The following RIPK1 variants were observed in gnomAD, a reference collection of about 807,000 sequenced individuals.
RIPK1 encodes receptor-interacting serine/threonine-protein kinase 1.
Under a neutral mutation model 62.4 loss-of-function variants are expected in RIPK1, and 27 were observed. The observed-to-expected ratio is 0.43, with a 90% CI of 0.32 to 0.60. The LOEUF (loss-of-function observed/expected upper bound fraction) is 0.60. Ranked by LOEUF, RIPK1 falls within the 20% of genes least tolerant of loss-of-function variation. The probability of loss-of-function intolerance (pLI) is 0.07; values close to 1 mark genes in which losing one functional copy is unlikely to be tolerated. For synonymous variants in RIPK1, 287 were observed against 303.2 expected (o/e 0.95, Z 0.55); for missense variants, 735 against 831.0 (o/e 0.88, Z 1.42).
At chr6:3,067,785 C>A (rs1311658642), upstream of RIPK1, among the ~76,000 whole-genome samples, 1 of 151,702 alleles carries the variant, frequency 6.6e-6, no homozygotes, top group African/African-American at 2.4e-5. Context: ...TCTTGTCACC[C>A]AGGCTGGAGT....
At chr6:3,111,770 AC>A (rs1296557857) in intron 10 of RIPK1, among the ~76,000 whole-genome samples, 1 of 152,238 alleles carries the variant, frequency 6.6e-6, no homozygotes, top group East Asian at 1.9e-4. Context: ...CTAGAACAGA[AC>A]TTGCGAATGG....
chr6:3,103,234 TC>T (rs1561771572), intron 7 of RIPK1, among the ~76,000 whole-genome samples: 1 of 151,966 alleles, frequency 6.6e-6, no homozygotes, highest in Non-Finnish European at 1.5e-5. Flanking sequence ...TTTTTTATGT[TC>T]TGGATTTCAT....
At chr6:3,083,934 G>A (rs565729155) in intron 5 of RIPK1, among the ~76,000 whole-genome samples, 2 of 152,126 alleles carry the variant, frequency 1.3e-5, no homozygotes, top group Admixed American at 6.5e-5. Flanking sequence ...CCTGCAGCTC[G>A]CCCCGCTTCA....
chr6:3,071,310 T>C (rs906448933), intron 1 of RIPK1, among the ~76,000 whole-genome samples: 1 of 152,244 alleles, frequency 6.6e-6, no homozygotes, highest in African/African-American at 2.4e-5. Flanking sequence ...TTGATATGTA[T>C]ACTTACCCTG....
At chr6:3,067,052 T>TTTC (rs1491398192), upstream of RIPK1, among the ~76,000 whole-genome samples, 1 of 26,160 alleles carries the variant, frequency 3.8e-5, no homozygotes, top group African/African-American at 2.8e-4. Context: ...TGCTCCAGGA[T>TTTC]TTTTTTTTTT....
intron 3 of RIPK1, among the ~76,000 whole-genome samples, chr6:3,078,252 C>A (rs1217307465): frequency 1.3e-5 from 2 of 152,154 alleles, no homozygotes; most frequent in Non-Finnish European, 2.9e-5. Flanking sequence ...TCTGTAATCT[C>A]AGCACTTTTG....
chr6:3,113,147 A>C lies in RIPK1; in HGVS notation c.1824A>C (p.Thr608=), dbSNP rs146128109. ...WKNCARKLGF[T]QSQIDEIDHD... is the part of the protein sequence containing the mutation. The stretch of plus-strand genomic sequence containing the variant: ...ACTGTGCCCGTAAACTGGGCTTCAC[A>C]CAGTCTCAGATTGATGAAATTGACC... The change falls in exon 11 of 11, where the codon ACA becomes ACC. Residue 608 remains threonine, a synonymous_variant. Transcript: ENST00000259808. This position sits in a 1 kb window ranked among gnomAD's most constrained non-coding sequence, Gnocchi z 5.0. The C allele has an allele frequency of 1.2e-6, 2 of 1,613,298 alleles. No individual in the cohort carries two copies. The highest frequency in any genetic ancestry group is 2.7e-5 in the African/African-American group (2 of 74,896).
intron 7 of RIPK1, among the ~76,000 whole-genome samples, chr6:3,090,428 C>A (rs1561762102): frequency 1.3e-5 from 2 of 152,066 alleles, no homozygotes; most frequent in South Asian, 2.1e-4. Context: ...AGATTAGAAT[C>A]AGCTAAGATA....
intron 4 of RIPK1, among the ~76,000 whole-genome samples, chr6:3,082,313 T>C (rs1161774965): frequency 6.6e-6 from 1 of 152,364 alleles, no homozygotes. Context: ...TTCCCTCTTA[T>C]GTCGTGGGTT....
In RIPK1 at chr6:3,083,080, C is replaced by T. The variant is rs775559288; in HGVS notation, c.460-5C>T. 3 of 1,613,592 alleles carry T rather than the reference C, an allele frequency of 1.9e-6. No individual in the cohort carries two copies. The highest frequency in any genetic ancestry group is 2.5e-6 in the Non-Finnish European group (3 of 1,179,534). ...ACAATCCCAGTGGCTCAATGTCTTT[C>T]GCAGATCGCAGACCTCGGCCTTGCC... On this transcript the variant is annotated splice_region_variant and splice_polypyrimidine_tract_variant and intron_variant, in intron 4 of 10. Coordinates refer to ENST00000259808, the MANE Select transcript of RIPK1 (RefSeq NM_001354930.2).
At chr6:3,085,925 T>C (rs1280135335) in intron 6 of RIPK1, among the ~76,000 whole-genome samples, 1 of 152,250 alleles carries the variant, frequency 6.6e-6, no homozygotes, top group East Asian at 1.9e-4. Flanking sequence ...CAGAATTTCT[T>C]TCCTTTTCAA....
intron 1 of RIPK1, among the ~76,000 whole-genome samples, chr6:3,073,447 C>T (rs1377635335): frequency 5.3e-5 from 8 of 152,026 alleles, no homozygotes; most frequent in African/African-American, 1.2e-4. Context: ...CTAGAGTTCA[C>T]GCTCATAGTG....
rs545471098 is a variant in RIPK1, at chr6:3,071,485, T to A, written c.-61+2824T>A. On this transcript the variant is annotated intron_variant, in intron 1 of 10. Transcript: ENST00000259808. ...TTATTTGCTATAACAGGCCAGCATG[T>A]CTTTGTCACTCTGTGTCATGGCTTT... 3.3e-5 allele frequency among the ~76,000 whole-genome samples: 5 copies of A among 152,362 alleles called. No homozygotes were observed. In the East Asian group the frequency reaches 9.6e-4, roughly 29 times the overall value.
chr6:3,069,002 C>T (rs778322428), intron 1 of RIPK1: 5 of 152,250 alleles, frequency 3.3e-5, no homozygotes, highest in Non-Finnish European at 7.3e-5. Context: ...TCCCGGAAGT[C>T]AGGGGTGCTC....
upstream of RIPK1, among the ~76,000 whole-genome samples, chr6:3,065,108 AT>A (rs1261477759): frequency 6.6e-6 from 1 of 151,596 alleles, no homozygotes; most frequent in South Asian, 2.1e-4. Context: ...ATACAAAAAA[AT>A]AGCCGGGCGT....
At chr6:3,069,724 A>C (rs1314560800) in intron 1 of RIPK1, among the ~76,000 whole-genome samples, 1 of 152,234 alleles carries the variant, frequency 6.6e-6, no homozygotes, top group African/African-American at 2.4e-5. Context: ...GAAATGTGGA[A>C]TACTGCGTCG....
chr6:3,064,371 C>A (rs1458672938), upstream of RIPK1, among the ~76,000 whole-genome samples: 1 of 152,236 alleles, frequency 6.6e-6, no homozygotes, highest in Non-Finnish European at 1.5e-5. Flanking sequence ...GTTCTCACTG[C>A]TCCTCTCTGC....
At chr6:3,094,366 T>C (rs1488706059) in intron 7 of RIPK1, among the ~76,000 whole-genome samples, 6 of 152,202 alleles carry the variant, frequency 3.9e-5, no homozygotes, top group Non-Finnish European at 7.3e-5. Flanking sequence ...ATTTCAATTA[T>C]GTTCAAAATT....
At position 3,083,375 on chromosome 6, in the gene RIPK1, C is replaced by G. The variant is rs1759520855; in HGVS notation, c.688+62C>G. 1.5e-5 allele frequency: 21 copies of G among 1,379,458 alleles called. No homozygotes were observed. In the South Asian group the frequency reaches 2.7e-4, roughly 17 times the overall value. 85.5% of individuals were successfully genotyped at this position (1,379,458 alleles called of 1,614,324 possible). ...GCATCTACACGCACTGTGCCTGGAACTAATAGGTGCCCAGTAAATTTTTGT... is the reference window on the plus strand; with the variant it reads ...GCATCTACACGCACTGTGCCTGGAAGTAATAGGTGCCCAGTAAATTTTTGT... On this transcript the variant is annotated intron_variant, in intron 5 of 10. Coordinates refer to ENST00000259808, the MANE Select transcript of RIPK1 (RefSeq NM_001354930.2).
Sources: gnomAD v4.1 joint callset for allele counts (sites outside exome capture counted in the v4.1 genomes callset) on GRCh38, gnomAD v4.1.1 for gene constraint, Gnocchi (gnomAD v3.1) non-coding constraint, MANE v1.5 for transcripts, NCBI Gene and HGNC (gene_info 2026-07-23, HGNC 2026-07-21) for gene names.